The following SP2 variants were observed in gnomAD, a reference collection of about 807,000 sequenced individuals.
SP2 encodes the protein transcription factor Sp2.
Under a neutral mutation model 50.1 loss-of-function variants are expected in SP2, and 9 were observed. The ratio of observed to expected loss-of-function variants is 0.18; its 90% confidence interval spans 0.11 to 0.31. The LOEUF (loss-of-function observed/expected upper bound fraction) is 0.31, where lower values mean the gene tolerates loss of function less well. Ranked by LOEUF, SP2 falls within the 10% of genes least tolerant of loss-of-function variation. The probability of loss-of-function intolerance (pLI) is 1.00; values close to 1 mark genes in which losing one functional copy is unlikely to be tolerated. For missense variants in SP2, 581 were observed against 806.5 expected (o/e 0.72, Z 3.39); for synonymous variants, 313 against 326.6 (o/e 0.96, Z 0.45).
At chr17:47,925,681 C>G in intron 6 of SP2, 140 bp downstream of exon 6, 1 of 636,362 alleles carries the variant, frequency 1.6e-6, no homozygotes, top group East Asian at 2.8e-5. Flanking sequence ...TATCTAGGGA[C>G]GACATAGGAA....
rs1457222818 is a variant in SP2, at chr17:47,927,674, A to T, written c.1742-50A>T. On this transcript the variant is annotated intron_variant, in intron 6 of 6. Transcript: ENST00000376741. Reference sequence around the variant, plus strand: ...ACGCACCCCACCTTTTTGGGCAGAGACAGGGTCTGTGCACAGGGTCTGTGG... The same window carrying T: ...ACGCACCCCACCTTTTTGGGCAGAGTCAGGGTCTGTGCACAGGGTCTGTGG... 11 of 1,326,466 alleles carry T rather than the reference A, an allele frequency of 8.3e-6. No individual in the cohort carries two copies. The South Asian group carries it at 1.3e-4, about 15-fold the overall frequency. The allele number at this position is 1,326,466 out of a possible 1,614,324, so 82.2% of individuals were successfully genotyped here.
intron 1 of SP2, among the ~76,000 whole-genome samples, chr17:47,903,258 G>T (rs923665620): frequency 1.3e-5 from 2 of 152,222 alleles, no homozygotes; most frequent in Admixed American, 1.3e-4. Flanking sequence ...AGAGTCCTGG[G>T]GCAACCCAAT....
At chr17:47,897,058 C>T (rs987220228) in intron 1 of SP2, among the ~76,000 whole-genome samples, 1 of 152,212 alleles carries the variant, frequency 6.6e-6, no homozygotes. Flanking sequence ...CTTGACGCCC[C>T]GTAGGGGAGA....
In SP2 at chr17:47,916,728, T is replaced by C. The variant is rs2228251; in HGVS notation, c.657T>C (p.Leu219=). 0.46 allele frequency: 736,382 copies of C among 1,612,170 alleles called. 172,443 individuals carry two copies. The highest frequency in any genetic ancestry group is 0.77 in the East Asian group (34,400 of 44,814). ...CGCTCACTCTGCCCGTCAACAACCT[T>C]GTGAACGCCAGTGACACCGGGGCCC... The part of the protein sequence containing the change: ...NVTLTLPVNN[L]VNASDTGAPT... Residue 219 remains leucine, a synonymous_variant, in exon 3 of 7, where the codon CTT becomes CTC. Transcript: ENST00000376741. The surrounding 1 kb of genome is among the most constrained non-coding windows in gnomAD (Gnocchi z 4.7).
chr17:47,923,359 A>G, intron 4 of SP2, 85 bp downstream of exon 4: 1 of 1,119,856 alleles, frequency 8.9e-7, no homozygotes. Context: ...CGGGATTTCC[A>G]GTAACAATAG....
At chr17:47,898,649 C>T (rs2034429480) in intron 1 of SP2, 1 of 152,168 alleles carries the variant, frequency 6.6e-6, no homozygotes, top group African/African-American at 2.4e-5. Flanking sequence ...GGAAACCCTG[C>T]TTCCAAACAC....
At chr17:47,917,622 GGT>G (rs1269404857) in intron 3 of SP2, among the ~76,000 whole-genome samples, 1 of 47,330 alleles carries the variant, frequency 2.1e-5, no homozygotes, top group Middle Eastern at 0.012. Context: ...TTTGTTTTAG[GGT>G]GTTTTTTTTT....
At chr17:47,925,287 C>A in intron 5 of SP2, 61 bp from the exon 6 acceptor site, 1 of 1,516,908 alleles carries the variant, frequency 6.6e-7, no homozygotes, top group Non-Finnish European at 9.0e-7. Context: ...CCTGCCCCAT[C>A]CTCTACCGCT....
At chr17:47,899,553 T>C (rs1466237854) in intron 1 of SP2, 1 of 152,172 alleles carries the variant, frequency 6.6e-6, no homozygotes, top group Non-Finnish European at 1.5e-5. Flanking sequence ...AGATTGCCCT[T>C]GAGGAGATGC....
At chr17:47,930,346 T>C (rs2035794096), downstream of SP2, among the ~76,000 whole-genome samples, 1 of 152,236 alleles carries the variant, frequency 6.6e-6, no homozygotes, top group Non-Finnish European at 1.5e-5. Flanking sequence ...GATCCTTTCC[T>C]GGGAGCTGAT....
In SP2 at chr17:47,916,017, G is replaced by A. The variant is rs2035186699; in HGVS notation, c.85-139G>A. 6 of 943,174 alleles carry A rather than the reference G, an allele frequency of 6.4e-6. No homozygotes were observed. The highest frequency in any genetic ancestry group is 9.6e-6 in the Non-Finnish European group (6 of 625,704). 58.4% of individuals were successfully genotyped at this position (943,174 alleles called of 1,614,324 possible). On this transcript the variant is annotated intron_variant, in intron 2 of 6. Transcript: ENST00000376741. The surrounding 1 kb of genome is among the most constrained non-coding windows in gnomAD (Gnocchi z 4.7). ...GAAGGGGAGACAGCAGCCAAGCAGG[G>A]GAGGGTACTGGCAACATGCCTGCCC... is the stretch of plus-strand genomic sequence containing the variant.
intron 6 of SP2, among the ~76,000 whole-genome samples, chr17:47,925,788 G>A (rs2035621272): frequency 6.6e-6 from 1 of 151,742 alleles, no homozygotes; most frequent in African/African-American, 2.4e-5. Flanking sequence ...CTTTTGCCAT[G>A]TCAGCATAGT....
intron 3 of SP2, among the ~76,000 whole-genome samples, chr17:47,918,956 T>C (rs2035323543): frequency 6.6e-6 from 1 of 152,100 alleles, no homozygotes; most frequent in African/African-American, 2.4e-5. Context: ...AAATATTTAC[T>C]CTCCGGCCCT....
At chr17:47,898,478 T>C (rs1567685725) in intron 1 of SP2, 1 of 152,194 alleles carries the variant, frequency 6.6e-6, no homozygotes, top group African/African-American at 2.4e-5. Context: ...ATGAAGACAT[T>C]TTAAACTTGT....
At chr17:47,917,568 C>G (rs1598149103) in intron 3 of SP2, among the ~76,000 whole-genome samples, 1 of 150,622 alleles carries the variant, frequency 6.6e-6, no homozygotes, top group South Asian at 2.1e-4. Context: ...AGCAGCCTAG[C>G]TTTATAGCAG....
chr17:47,925,296 CT>C, intron 5 of SP2, 51 bp from the exon 6 acceptor site: 1 of 1,546,482 alleles, frequency 6.5e-7, no homozygotes. Flanking sequence ...TCCTCTACCG[CT>C]TTTCTCTCCT....
chr17:47,908,881 G>A (rs1239292997), intron 1 of SP2, among the ~76,000 whole-genome samples: 1 of 152,048 alleles, frequency 6.6e-6, no homozygotes, highest in African/African-American at 2.4e-5. Context: ...AAGATCATTT[G>A]GTCCAACTTC....
downstream of SP2, among the ~76,000 whole-genome samples, chr17:47,930,563 C>T (rs2035798251): frequency 6.6e-6 from 1 of 152,196 alleles, no homozygotes; most frequent in Non-Finnish European, 1.5e-5. Flanking sequence ...TGTATTCTGC[C>T]TAGCTGAGTG....
chr17:47,929,365 A>G (rs1341428564), downstream of SP2, among the ~76,000 whole-genome samples: 1 of 152,206 alleles, frequency 6.6e-6, no homozygotes. Flanking sequence ...AGGAGAGCCA[A>G]TGGGGCCTTG....
Sources: gnomAD v4.1 joint callset for allele counts (sites outside exome capture counted in the v4.1 genomes callset) on GRCh38, gnomAD v4.1.1 for gene constraint, Gnocchi (gnomAD v3.1) non-coding constraint, MANE v1.5 for transcripts, NCBI Gene and HGNC (gene_info 2026-07-23, HGNC 2026-07-21) for gene names.